PCDH11X: variants seen among roughly 807,000 people sequenced by gnomAD.
PCDH11X encodes protocadherin 11 X-linked.
Under a neutral mutation model 53.3 loss-of-function variants are expected in PCDH11X, and 18 were observed. The ratio of observed to expected loss-of-function variants is 0.34; its 90% CI spans 0.23 to 0.50. The LOEUF is 0.50. Among genes scored for constraint, PCDH11X ranks in the 20% least tolerant of loss-of-function variants. The pLI is 0.98. For synonymous variants in PCDH11X, 279 were observed against 393.3 expected (o/e 0.71, Z 3.44); for missense variants, 570 against 1,032.4 (o/e 0.55, Z 6.14).
chrX:92,097,253 A>G (rs1449955779), intron 6 of PCDH11X, among the ~76,000 whole-genome samples: 2 of 108,945 alleles, frequency 1.8e-5, no homozygotes, highest in African/African-American at 6.7e-5. Flanking sequence ...CCATCTCTAC[A>G]AAAAAATTAA....
intron 6 of PCDH11X, among the ~76,000 whole-genome samples, chrX:92,191,866 A>G (rs1475112137): frequency 2.7e-5 from 3 of 112,174 alleles, no homozygotes; most frequent in Non-Finnish European, 1.9e-5. Context: ...TTAAGCACAA[A>G]TAGCATCTTC....
intron 6 of PCDH11X, among the ~76,000 whole-genome samples, chrX:92,019,214 C>T (rs747744117): frequency 1.7e-4 from 18 of 108,967 alleles, no homozygotes; most frequent in Middle Eastern, 4.6e-3. Flanking sequence ...GCGAGTTAAA[C>T]TGTCAAGGAG....
chrX:91,854,797 C>T (rs1478693249), intron 5 of PCDH11X, among the ~76,000 whole-genome samples: 2 of 111,643 alleles, frequency 1.8e-5, no homozygotes, highest in Non-Finnish European at 3.8e-5. Flanking sequence ...TATCTTATTT[C>T]GAGAAATGCC....
intron 8 of PCDH11X, among the ~76,000 whole-genome samples, chrX:92,332,891 A>T (rs1057093612): frequency 1.8e-5 from 2 of 111,934 alleles, no homozygotes; most frequent in Non-Finnish European, 3.8e-5. Flanking sequence ...ATGCATATTA[A>T]AGTTTAGAAT....
intron 6 of PCDH11X, among the ~76,000 whole-genome samples, chrX:92,143,743 C>T (rs1427609447): frequency 1.8e-5 from 2 of 112,355 alleles, no homozygotes; most frequent in African/African-American, 6.5e-5. Flanking sequence ...CCTACCAGGG[C>T]ACTGCCTAGT....
intron 6 of PCDH11X, among the ~76,000 whole-genome samples, chrX:92,147,839 CTTTCTT>C (rs1297164974): frequency 1.0e-5 from 1 of 96,130 alleles, no homozygotes; most frequent in African/African-American, 4.1e-5. Flanking sequence ...TTCTTTCTTT[CTTTCTT>C]TCTTTCTTTT....
chrX:92,088,661 A>G (rs2148115147), intron 6 of PCDH11X, among the ~76,000 whole-genome samples: 1 of 112,095 alleles, frequency 8.9e-6, no homozygotes, highest in African/African-American at 3.2e-5. Flanking sequence ...ATGCCCAAAT[A>G]GGGATCTCCC....
At chrX:92,567,384 G>A (rs1365675832) in intron 10 of PCDH11X, among the ~76,000 whole-genome samples, 1 of 83,187 alleles carries the variant, frequency 1.2e-5, no homozygotes, top group Non-Finnish European at 2.4e-5. Context: ...TTTTCTCTTT[G>A]TAGCAATTGT....
chrX:91,782,799 C>G lies in PCDH11X; in HGVS notation c.-379+3115C>G, dbSNP rs774757556. ...TAAGACGGAAGCCCGCTGCGGCTTC[C>G]CTTTTGAGCTTGCTCTTATAGTCCT... On this transcript the variant is annotated intron_variant, in intron 1 of 10. Coordinates refer to ENST00000682573, the MANE Select transcript of PCDH11X (RefSeq NM_032968.5). Among the ~76,000 whole-genome samples the G allele has an allele frequency of 3.3e-3, 373 of 111,662 alleles. 1 individual carries two copies. Among genetic ancestry groups the G allele is most frequent in the African/African-American group, 0.012 (356 of 30,746 alleles).
chrX:92,233,425 A>C (rs2067118091), intron 7 of PCDH11X, among the ~76,000 whole-genome samples: 1 of 111,725 alleles, frequency 9.0e-6, no homozygotes, highest in African/African-American at 3.2e-5. Flanking sequence ...TTGTCATGCA[A>C]GGTTAGAGCT....
At chrX:92,268,562 TACC>T (rs1470440539) in intron 8 of PCDH11X, among the ~76,000 whole-genome samples, 1 of 111,831 alleles carries the variant, frequency 8.9e-6, no homozygotes, top group African/African-American at 3.2e-5. Flanking sequence ...AATTTAGCAT[TACC>T]ACCTAAGGAA....
intron 4 of PCDH11X, among the ~76,000 whole-genome samples, chrX:91,826,267 C>G (rs917464154): frequency 3.6e-5 from 4 of 110,561 alleles, no homozygotes; most frequent in Non-Finnish European, 7.5e-5. Context: ...ATCATTTATA[C>G]CTTATCTTTG....
At chrX:92,604,532 AGAAAGCTGCAAG>A (rs1159761797) in intron 10 of PCDH11X, among the ~76,000 whole-genome samples, 14 of 111,508 alleles carry the variant, frequency 1.3e-4, no homozygotes, top group African/African-American at 4.6e-4. Flanking sequence ...CTAATGCAAA[AGAAAGCTGCAAG>A]GAGAAACGGG....
intron 7 of PCDH11X, among the ~76,000 whole-genome samples, chrX:92,255,635 CTGTT>C (rs1281936374): frequency 3.6e-5 from 4 of 109,773 alleles, no homozygotes; most frequent in African/African-American, 1.3e-4. Context: ...GATGTCCTTT[CTGTT>C]TGTTAGTTTT....
intron 6 of PCDH11X, among the ~76,000 whole-genome samples, chrX:91,915,959 T>C (rs1303251658): frequency 9.1e-6 from 1 of 109,668 alleles, no homozygotes; most frequent in African/African-American, 3.3e-5. Context: ...CAAGTCTTAA[T>C]AAATTTAAGA....
At chrX:92,179,012 G>A (rs1440111260) in intron 6 of PCDH11X, among the ~76,000 whole-genome samples, 2 of 111,551 alleles carry the variant, frequency 1.8e-5, no homozygotes, top group East Asian at 2.8e-4. Context: ...CAGCATGCAC[G>A]CTAACACATA....
chrX:92,112,353 T>G (rs5984886), intron 6 of PCDH11X, among the ~76,000 whole-genome samples: 1,405 of 107,570 alleles, frequency 0.013, 19 homozygotes, highest in African/African-American at 0.044. Context: ...AAAAAAAGTA[T>G]AGTCATCATA....
At chrX:92,578,033 G>C (rs1569506531) in intron 10 of PCDH11X, among the ~76,000 whole-genome samples, 1 of 106,517 alleles carries the variant, frequency 9.4e-6, no homozygotes, top group African/African-American at 3.5e-5. Flanking sequence ...GAGCTCTGTA[G>C]ATATTTATCA....
chrX:92,441,629 C>A (rs1444340560), intron 9 of PCDH11X, among the ~76,000 whole-genome samples: 1 of 112,272 alleles, frequency 8.9e-6, no homozygotes, highest in Non-Finnish European at 1.9e-5. Flanking sequence ...GAAACCTCTG[C>A]CTAGACTTCA....
Sources: gnomAD v4.1 joint callset for allele counts (sites outside exome capture counted in the v4.1 genomes callset) on GRCh38, gnomAD v4.1.1 for gene constraint, MANE v1.5 for transcripts, NCBI Gene and HGNC (gene_info 2026-07-23, HGNC 2026-07-21) for gene names.